Variants in KHDRBS2 observed in about 807,000 individuals in gnomAD.
KHDRBS2 encodes the protein KH domain-containing, RNA-binding, signal transduction-associated protein 2.
A neutral mutation model predicts 44.3 loss-of-function variants in KHDRBS2; 26 were observed. The ratio of observed to expected loss-of-function variants is 0.59; its 90% CI spans 0.43 to 0.81. The LOEUF (loss-of-function observed/expected upper bound fraction) is 0.81, where lower values mean the gene tolerates loss of function less well. Among genes scored for constraint, KHDRBS2 ranks in the 40% least tolerant of loss-of-function variants. The pLI is 0.00. For missense variants in KHDRBS2, 476 were observed against 433.1 expected, an observed-to-expected ratio of 1.10 and a Z score of -0.88; for synonymous variants, 194 against 151.1, an observed-to-expected ratio of 1.28 and a Z score of -2.08.
intron 2 of KHDRBS2, among the ~76,000 whole-genome samples, chr6:62,051,112 A>G (rs138150887): frequency 6.2e-4 from 94 of 152,202 alleles, no homozygotes; most frequent in African/African-American, 2.2e-3. Flanking sequence ...ACAGAGCCTG[A>G]AGTTGAACTG....
chr6:61,888,850 C>T (rs1316957132), intron 6 of KHDRBS2, among the ~76,000 whole-genome samples: 3 of 151,994 alleles, frequency 2.0e-5, no homozygotes, highest in East Asian at 3.9e-4. Flanking sequence ...CATGAGCCAC[C>T]GGGCCCGGCT....
intron 6 of KHDRBS2, among the ~76,000 whole-genome samples, chr6:61,826,035 A>G (rs374384349): frequency 8.8e-4 from 134 of 152,322 alleles, no homozygotes; most frequent in African/African-American, 3.1e-3. Flanking sequence ...ACCTGACAAC[A>G]TAGATGTAAA....
chr6:61,971,172 T>C (rs1244208189), intron 4 of KHDRBS2, among the ~76,000 whole-genome samples: 1 of 152,132 alleles, frequency 6.6e-6, no homozygotes, highest in Admixed American at 6.6e-5. Context: ...TTGTTATATA[T>C]GCATCCTTAC....
the KHDRBS2 span, among the ~76,000 whole-genome samples, chr6:61,665,661 A>C: frequency 6.6e-6 from 1 of 151,322 alleles, no homozygotes; most frequent in East Asian, 1.9e-4. Context: ...TATGTAAGTA[A>C]GTGCTGGTAA....
the KHDRBS2 span, among the ~76,000 whole-genome samples, chr6:61,543,238 T>C: frequency 2.0e-5 from 3 of 151,920 alleles, no homozygotes; most frequent in Non-Finnish European, 2.9e-5. Context: ...ATAAAGTATA[T>C]AATGATCTCA....
the KHDRBS2 span, among the ~76,000 whole-genome samples, chr6:61,555,213 T>C: frequency 6.8e-6 from 1 of 146,920 alleles, no homozygotes; most frequent in Non-Finnish European, 1.5e-5. Flanking sequence ...ACTTTATTAT[T>C]TTTTTTCTTT....
intron 1 of KHDRBS2, among the ~76,000 whole-genome samples, chr6:62,239,189 A>G (rs1281733192): frequency 6.6e-6 from 1 of 152,238 alleles, no homozygotes; most frequent in Non-Finnish European, 1.5e-5. Context: ...TCTCAGGAAT[A>G]CATACTGAAA....
At chr6:62,142,674 T>G (rs917244275) in intron 2 of KHDRBS2, among the ~76,000 whole-genome samples, 2 of 152,108 alleles carry the variant, frequency 1.3e-5, no homozygotes, top group Non-Finnish European at 2.9e-5. Context: ...AATATGTCTA[T>G]AAATTGGGAA....
intron 2 of KHDRBS2, among the ~76,000 whole-genome samples, chr6:62,130,830 T>G (rs1460968683): frequency 6.6e-6 from 1 of 151,978 alleles, no homozygotes; most frequent in Non-Finnish European, 1.5e-5. Context: ...AAATATCTCA[T>G]GCAATGTATT....
intron 1 of KHDRBS2, among the ~76,000 whole-genome samples, chr6:62,259,091 G>T (rs979505219): frequency 6.6e-6 from 1 of 152,020 alleles, no homozygotes; most frequent in African/African-American, 2.4e-5. Flanking sequence ...AAAAGACAAA[G>T]AATTATGTCT....
At chr6:62,069,454 T>C (rs1172528728) in intron 2 of KHDRBS2, among the ~76,000 whole-genome samples, 2 of 151,694 alleles carry the variant, frequency 1.3e-5, no homozygotes, top group African/African-American at 4.8e-5. Flanking sequence ...AAGTTATTAT[T>C]TTTTTCTTGT....
chr6:61,878,929 T>C (rs1428319872), intron 6 of KHDRBS2, among the ~76,000 whole-genome samples: 1 of 151,974 alleles, frequency 6.6e-6, no homozygotes, highest in Non-Finnish European at 1.5e-5. Flanking sequence ...TTGTAGATCA[T>C]AATAACTCCT....
chr6:62,007,944 T>A (rs1218134558), intron 3 of KHDRBS2, among the ~76,000 whole-genome samples: 1 of 152,088 alleles, frequency 6.6e-6, no homozygotes, highest in East Asian at 1.9e-4. Flanking sequence ...ATAGAAAATA[T>A]CAAGTACAAA....
At chr6:61,819,541 G>A (rs182115233) in intron 6 of KHDRBS2, among the ~76,000 whole-genome samples, 39 of 151,914 alleles carry the variant, frequency 2.6e-4, no homozygotes, top group Admixed American at 1.8e-3. Flanking sequence ...GCATTTTGTT[G>A]CTTGTTTTAT....
At chr6:61,937,961 A>G (rs1352911088) in intron 4 of KHDRBS2, among the ~76,000 whole-genome samples, 2 of 151,966 alleles carry the variant, frequency 1.3e-5, no homozygotes, top group Non-Finnish European at 2.9e-5. Context: ...TTTGTATGTG[A>G]ATTGGGTAAT....
At chr6:62,071,330 A>T (rs1054692022) in intron 2 of KHDRBS2, among the ~76,000 whole-genome samples, 3 of 152,054 alleles carry the variant, frequency 2.0e-5, no homozygotes, top group East Asian at 1.9e-4. Context: ...GCTGTGCAGA[A>T]GCTCTTGAGT....
chr6:61,993,712 T>G (rs918272835), intron 3 of KHDRBS2, among the ~76,000 whole-genome samples: 6 of 144,868 alleles, frequency 4.1e-5, no homozygotes, highest in African/African-American at 1.5e-4. Context: ...TTTAGCTGCT[T>G]GCTCCTGGTG....
At chr6:61,642,281 G>T in the KHDRBS2 span, among the ~76,000 whole-genome samples, 1 of 151,848 alleles carries the variant, frequency 6.6e-6, no homozygotes, top group African/African-American at 2.4e-5. Context: ...TATTACCTTT[G>T]TCTTATACCT....
intron 2 of KHDRBS2, among the ~76,000 whole-genome samples, chr6:62,106,541 T>G (rs553562729): frequency 1.3e-5 from 2 of 152,100 alleles, no homozygotes; most frequent in African/African-American, 2.4e-5. Context: ...AAGGAGGAAC[T>G]GGTACCTTTC....
Sources: allele counts gnomAD v4.1 joint callset (sites outside exome capture counted in the v4.1 genomes callset), GRCh38; gene constraint gnomAD v4.1.1; transcripts MANE v1.5; gene names NCBI Gene and HGNC (gene_info 2026-07-23, HGNC 2026-07-21).